The following SPINK5 variants were observed in gnomAD, a reference collection of about 807,000 sequenced individuals.
SPINK5 encodes the protein serine protease inhibitor Kazal-type 5.
In SPINK5, 125 loss-of-function variants were observed where a neutral mutation model predicts 151.8. The ratio of observed to expected loss-of-function variants is 0.82; its 90% CI spans 0.71 to 0.96. The LOEUF (loss-of-function observed/expected upper bound fraction) is 0.96, where lower values mean the gene tolerates loss of function less well. SPINK5 is among the 40% of genes least tolerant of loss of function. The pLI is 0.00. For synonymous variants in SPINK5, 374 were observed against 395.3 expected (o/e 0.95, Z 0.64); for missense variants, 1,194 against 1,291.9 (o/e 0.92, Z 1.16).
intron 2 of SPINK5, among the ~76,000 whole-genome samples, chr5:148,068,719 T>G (rs1752656450): frequency 6.6e-6 from 1 of 151,990 alleles, no homozygotes; most frequent in Non-Finnish European, 1.5e-5. Flanking sequence ...ATTTGTTTCC[T>G]GATACAAGCA....
At chr5:148,101,538 G>T in intron 14 of SPINK5, 102 bp downstream of exon 14, 3 of 1,095,460 alleles carry the variant, frequency 2.7e-6, no homozygotes, top group Non-Finnish European at 4.2e-6. Context: ...TGAAACAATT[G>T]TACAGTTTGT....
intron 12 of SPINK5, 149 bp downstream of exon 12, chr5:148,099,464 A>C: frequency 1.5e-6 from 1 of 679,658 alleles, no homozygotes; most frequent in Non-Finnish European, 2.5e-6. Context: ...TTATATGGGA[A>C]GATTGATCCA....
At chr5:148,115,185 T>G (rs1754052808) in intron 21 of SPINK5, among the ~76,000 whole-genome samples, 1 of 152,046 alleles carries the variant, frequency 6.6e-6, no homozygotes, top group African/African-American at 2.4e-5. Flanking sequence ...ACCTTATAAT[T>G]TGGATAAAAT....
chr5:148,089,778 T>TTTCTTC (rs1205646144), intron 7 of SPINK5, among the ~76,000 whole-genome samples, 157 bp downstream of exon 7: 1 of 151,906 alleles, frequency 6.6e-6, no homozygotes, highest in Non-Finnish European at 1.5e-5. Flanking sequence ...TTCTTTTCTT[T>TTTCTTC]TTCTTCTTAT....
At chr5:148,089,066 C>T in intron 6 of SPINK5, 1 of 461,248 alleles carries the variant, frequency 2.2e-6, no homozygotes, top group South Asian at 1.5e-5. Flanking sequence ...GAAAGGATCT[C>T]ATACATGTCA....
In SPINK5 at chr5:148,137,219, C is replaced by T. The variant is rs1008423338; in HGVS notation, c.*228C>T. The T allele has an allele frequency of 1.7e-6, 1 of 599,202 alleles. No individual in the cohort carries two copies. The highest frequency in any genetic ancestry group is 3.0e-6 in the Non-Finnish European group (1 of 338,692). 37.1% of individuals were successfully genotyped at this position (599,202 alleles called of 1,614,324 possible). ...GACATCTCCACCAAGTCTGAGCCCT[C>T]AAAATGTCCTGATTACAATGCTGTC... On this transcript the variant is annotated 3_prime_UTR_variant, in exon 33 of 33. Coordinates refer to ENST00000256084, the MANE Select transcript of SPINK5 (RefSeq NM_006846.4).
At position 148,101,833 on chromosome 5, in the gene SPINK5, C is replaced by T. The variant is rs1321102136; in HGVS notation, c.1355C>T (p.Thr452Ile). 10 of 1,613,666 alleles carry T rather than the reference C, an allele frequency of 6.2e-6. No homozygotes were observed. Among genetic ancestry groups the T allele is most frequent in the East Asian group, 2.2e-5 (1 of 44,868 alleles). Reference sequence around the variant, plus strand: ...AGGAAAAACGGACGGCTTTTTTGCACCAGAGAGAATGACCCCATCCAGGGC... The same window carrying T: ...AGGAAAAACGGACGGCTTTTTTGCATCAGAGAGAATGACCCCATCCAGGGC... ...KSRKNGRLFCTRENDPIQGPD... is the reference protein window; with the variant it reads ...KSRKNGRLFCIRENDPIQGPD... The change falls in exon 15 of 33, where the codon ACC (threonine) becomes ATC (isoleucine). Residue 452 changes from threonine to isoleucine, a missense_variant. By Grantham distance (89) the Thr-to-Ile change is moderately conservative. Coordinates refer to ENST00000256084, the MANE Select transcript of SPINK5 (RefSeq NM_006846.4).
At chr5:148,122,684 A>C (rs1754301102) in intron 26 of SPINK5, among the ~76,000 whole-genome samples, 1 of 152,194 alleles carries the variant, frequency 6.6e-6, no homozygotes, top group South Asian at 2.1e-4. Context: ...CAAATAAGTA[A>C]AAAGGTATAA....
rs761606280 is a variant in SPINK5, at chr5:148,124,798, T to C, written c.2700T>C (p.Asp900=). Reference sequence around the variant, plus strand: ...AAGCTAATGAAAGAAAAAAGAAAGATGAAGAGAAATCAAGTAGCAAGCCCT... The same window carrying C: ...AAGCTAATGAAAGAAAAAAGAAAGACGAAGAGAAATCAAGTAGCAAGCCCT... ...DREANERKKK[D]EEKSSSKPSN... The change falls in exon 28 of 33, where the codon GAT becomes GAC. Residue 900 remains aspartate, a synonymous_variant. Coordinates refer to ENST00000256084, the MANE Select transcript of SPINK5 (RefSeq NM_006846.4). 45 of 1,608,052 alleles carry C rather than the reference T, an allele frequency of 2.8e-5. No homozygotes were observed. The highest frequency in any genetic ancestry group is 3.6e-5 in the Non-Finnish European group (42 of 1,177,052).
At position 148,119,047 on chromosome 5, in the gene SPINK5, G is replaced by A. The variant is rs1489858303; in HGVS notation, c.2302G>A (p.Glu768Lys). The A allele has an allele frequency of 6.2e-7, 1 of 1,613,986 alleles. No individual in the cohort carries two copies. Among genetic ancestry groups the A allele is most frequent in the Non-Finnish European group, 8.5e-7 (1 of 1,179,918 alleles). ...SRSRSNGTGSESGKDTCDEFR... is the reference protein window; with the variant it reads ...SRSRSNGTGSKSGKDTCDEFR... ...CTCCAGATCAAATGGGACTGGATCAGAATCAGGGAAGGTGAGTTATTTTTT... is the reference window on the plus strand; with the variant it reads ...CTCCAGATCAAATGGGACTGGATCAAAATCAGGGAAGGTGAGTTATTTTTT... The change falls in exon 24 of 33, where the codon GAA (glutamate) becomes AAA (lysine). Residue 768 changes from glutamate (E) to lysine (K), a missense_variant. Glu to Lys is a moderately conservative substitution (Grantham distance 56). Transcript: ENST00000256084.
intron 5 of SPINK5, among the ~76,000 whole-genome samples, chr5:148,088,324 A>C (rs538876869): frequency 2.0e-5 from 3 of 152,014 alleles, no homozygotes; most frequent in South Asian, 4.1e-4. Context: ...AATAACATTT[A>C]CAAGTCTGAA....
At chr5:148,103,824 T>G (rs1753711053) in intron 15 of SPINK5, among the ~76,000 whole-genome samples, 1 of 152,224 alleles carries the variant, frequency 6.6e-6, no homozygotes, top group Non-Finnish European at 1.5e-5. Context: ...TTTAGTTTGA[T>G]CTATGTGCAA....
chr5:148,084,124 A>G (rs1753092478), intron 4 of SPINK5, among the ~76,000 whole-genome samples: 1 of 151,916 alleles, frequency 6.6e-6, no homozygotes, highest in African/African-American at 2.4e-5. Flanking sequence ...TTTCTACTTC[A>G]ATTAATACAT....
intron 19 of SPINK5, 47 bp downstream of exon 19, chr5:148,111,942 A>G (rs1480583147): frequency 6.2e-7 from 1 of 1,613,614 alleles, no homozygotes; most frequent in Non-Finnish European, 8.5e-7. Context: ...GGAGAAGATC[A>G]GCATCGGGTG....
chr5:148,108,070 C>G (rs1197238110), intron 17 of SPINK5, among the ~76,000 whole-genome samples: 4 of 152,084 alleles, frequency 2.6e-5, no homozygotes, highest in Non-Finnish European at 5.9e-5. Flanking sequence ...TTCAAGAAGC[C>G]AGGGTTTTTC....
chr5:148,095,892 A>G lies in SPINK5; in HGVS notation c.869A>G (p.Lys290Arg). 6.2e-7 allele frequency: 1 copy of G among 1,611,800 alleles called. No individual in the cohort carries two copies. The highest frequency in any genetic ancestry group is 1.3e-5 in the African/African-American group (1 of 74,882). ...LGKAEEKTKV[K>R]REIVKLCSQY... ...AAAGCTGAAGAAAAAACTAAAGTTA[A>G]AAGAGAAATTGTGGTGAGAATCAGT... The change falls in exon 10 of 33, where the codon AAA (lysine) becomes AGA (arginine). Residue 290 changes from lysine to arginine, a missense_variant. Coordinates refer to ENST00000256084, the MANE Select transcript of SPINK5 (RefSeq NM_006846.4).
chr5:148,123,414 T>TTATATATAGATAGATATTATCTATCTA (rs1554106759), intron 26 of SPINK5, among the ~76,000 whole-genome samples: 151 of 134,940 alleles, frequency 1.1e-3, no homozygotes, highest in East Asian at 1.9e-3. Flanking sequence ...ATATAATATA[T>TTATATATAGATAGATATTATCTATCTA]TATATATATA....
rs201869254 is a variant in SPINK5, at chr5:148,137,012, A to G, written c.*21A>G. ...AATGACAGGAAGATTGTTGAAAGCCATGAGGGAAAAAATAAACCCCAGTTC... is the reference window on the plus strand; with the variant it reads ...AATGACAGGAAGATTGTTGAAAGCCGTGAGGGAAAAAATAAACCCCAGTTC... On this transcript the variant is annotated 3_prime_UTR_variant, in exon 33 of 33. Coordinates refer to ENST00000256084, the MANE Select transcript of SPINK5 (RefSeq NM_006846.4). 75 of 1,613,550 alleles carry G rather than the reference A, an allele frequency of 4.6e-5. No homozygotes were observed. The Admixed American group carries it at 6.8e-4, about 15-fold the overall frequency.
chr5:148,136,503 G>A lies in SPINK5; in HGVS notation c.3187-480G>A, dbSNP rs150376716. Among the ~76,000 whole-genome samples, 1,329 of 152,272 alleles carry A rather than the reference G, an allele frequency of 8.7e-3. 15 individuals are homozygous for A. Among genetic ancestry groups the A allele is most frequent in the Non-Finnish European group, 0.015 (1,003 of 68,008 alleles). ...GATTATTTTTAAATATTCATTTAAT[G>A]TTTTAAAGGCTGATTTCAAATATAT... is the stretch of plus-strand genomic sequence containing the variant. On this transcript the variant is annotated intron_variant, in intron 32 of 32. Coordinates refer to ENST00000256084, the MANE Select transcript of SPINK5 (RefSeq NM_006846.4).
Sources: gnomAD v4.1 joint callset for allele counts (sites outside exome capture counted in the v4.1 genomes callset) on GRCh38, gnomAD v4.1.1 for gene constraint, MANE v1.5 for transcripts, NCBI Gene and HGNC (gene_info 2026-07-23, HGNC 2026-07-21) for gene names.